Variants in NLGN4Y observed in about 807,000 individuals in gnomAD.
NLGN4Y encodes neuroligin 4 Y-linked.
NLGN4Y carries 4 observed loss-of-function variants against 8.4 expected under a neutral mutation model. That is an observed-to-expected ratio of 0.48 (90% CI 0.23 to 1.09). The LOEUF (loss-of-function observed/expected upper bound fraction) is 1.09. Among genes scored for constraint, NLGN4Y ranks in the 50% least tolerant of loss-of-function variants. NLGN4Y has a pLI of 0.19. For synonymous variants in NLGN4Y, 35 were observed against 75.6 expected (o/e 0.46, Z 2.78); for missense variants, 90 against 192.3 (o/e 0.47, Z 3.15).
intron 4 of NLGN4Y, among the ~76,000 whole-genome samples, chrY:14,757,860 C>G: frequency 5.7e-5 from 2 of 34,800 alleles, no homozygotes; most frequent in Non-Finnish European, 1.4e-4. Flanking sequence ...GATTACAGGC[C>G]TAGGCCACTG....
intron 2 of NLGN4Y, among the ~76,000 whole-genome samples, chrY:14,662,292 A>C: frequency 3.0e-5 from 1 of 33,338 alleles, no homozygotes. Context: ...CTATTTCTCC[A>C]TCTAGTCTAT....
chrY:14,531,761 TATA>T (rs2080116056), intron 1 of NLGN4Y, among the ~76,000 whole-genome samples: 1 of 30,687 alleles, frequency 3.3e-5, no homozygotes, highest in African/African-American at 1.2e-4. Context: ...GTATATAAGA[TATA>T]ATAAAATCCA....
At chrY:14,631,838 C>A in intron 2 of NLGN4Y, among the ~76,000 whole-genome samples, 1 of 33,368 alleles carries the variant, frequency 3.0e-5, no homozygotes, top group African/African-American at 1.2e-4. Flanking sequence ...CTCTGCTGGG[C>A]AAAGTGACTC....
intron 6 of NLGN4Y, among the ~76,000 whole-genome samples, chrY:14,839,762 T>G: frequency 2.9e-5 from 1 of 33,944 alleles, no homozygotes; most frequent in Non-Finnish European, 7.3e-5. Context: ...CAATTTTCAT[T>G]GCTGTAACTG....
intron 2 of NLGN4Y, among the ~76,000 whole-genome samples, chrY:14,630,945 C>T: frequency 6.0e-5 from 2 of 33,451 alleles, no homozygotes; most frequent in African/African-American, 1.2e-4. Flanking sequence ...CCTCAAATTC[C>T]TGGGCACAAG....
intron 2 of NLGN4Y, among the ~76,000 whole-genome samples, chrY:14,676,178 A>G: frequency 3.0e-5 from 1 of 32,990 alleles, no homozygotes; most frequent in Non-Finnish European, 7.5e-5. Context: ...CCTGTGTCCA[A>G]TGGCCAGTCA....
At chrY:14,756,581 C>G (rs9785934) in intron 4 of NLGN4Y, among the ~76,000 whole-genome samples, 3,967 of 27,312 alleles carry the variant, frequency 0.15, no homozygotes, top group African/African-American at 0.58. Context: ...AACCCCATCT[C>G]TACTAAAAAT....
intron 4 of NLGN4Y, among the ~76,000 whole-genome samples, chrY:14,795,472 C>T (rs377188900): frequency 4.6e-4 from 15 of 32,949 alleles, no homozygotes; most frequent in African/African-American, 9.4e-4. Flanking sequence ...TATCTCTGTA[C>T]TAAATTGGAT....
At chrY:14,810,705 G>GT (rs2043074963) in intron 4 of NLGN4Y, among the ~76,000 whole-genome samples, 2 of 32,193 alleles carry the variant, frequency 6.2e-5, no homozygotes, top group African/African-American at 1.2e-4. Flanking sequence ...ATCCATCTTG[G>GT]TTTTTTTTAT....
intron 1 of NLGN4Y, among the ~76,000 whole-genome samples, chrY:14,531,638 CTTAT>C (rs2080115534): frequency 3.3e-5 from 1 of 29,955 alleles, no homozygotes; most frequent in Non-Finnish European, 7.9e-5. Context: ...GTTTTGTATA[CTTAT>C]TTATTATATA....
intron 2 of NLGN4Y, among the ~76,000 whole-genome samples, chrY:14,671,481 T>C: frequency 3.0e-4 from 9 of 30,119 alleles, no homozygotes; most frequent in Admixed American, 3.1e-4. Context: ...CAGTGAGCTA[T>C]GATCAAACCA....
At chrY:14,568,020 G>A in intron 1 of NLGN4Y, among the ~76,000 whole-genome samples, 5 of 30,819 alleles carry the variant, frequency 1.6e-4, no homozygotes, top group Non-Finnish European at 3.9e-4. Flanking sequence ...TGTGCACTAC[G>A]TGCAGGTTTG....
intron 4 of NLGN4Y, among the ~76,000 whole-genome samples, chrY:14,784,443 G>A (rs2042953679): frequency 1.5e-4 from 5 of 33,255 alleles, no homozygotes; most frequent in Admixed American, 1.4e-3. Context: ...GGCGGATCAC[G>A]AGGTCAGGAG....
chrY:14,639,428 A>G, intron 2 of NLGN4Y: 2 of 155,299 alleles, frequency 1.3e-5, no homozygotes, highest in South Asian at 8.4e-5. Context: ...AACTCCTGGA[A>G]CTGATGTTAA....
chrY:14,696,863 G>A (rs765140319), intron 2 of NLGN4Y, among the ~76,000 whole-genome samples: 2 of 32,787 alleles, frequency 6.1e-5, no homozygotes, highest in African/African-American at 2.4e-4. Flanking sequence ...ACTAGCTGCA[G>A]CTTCACATCT....
At chrY:14,579,214 C>A (rs2080308055) in intron 1 of NLGN4Y, among the ~76,000 whole-genome samples, 1 of 33,741 alleles carries the variant, frequency 3.0e-5, no homozygotes, top group African/African-American at 1.2e-4. Context: ...GCCATTTGAC[C>A]AGGTAGAAAT....
chrY:14,648,607 C>T, intron 2 of NLGN4Y, among the ~76,000 whole-genome samples: 1 of 31,496 alleles, frequency 3.2e-5, no homozygotes, highest in Non-Finnish European at 7.6e-5. Flanking sequence ...TGTGGATTTC[C>T]AATATGGTAA....
chrY:14,843,327 T>A lies in NLGN4Y; in HGVS notation c.*2065T>A. The A allele has an allele frequency of 8.2e-6, 1 of 121,617 alleles. No individual in the cohort carries two copies. Among genetic ancestry groups the A allele is most frequent in the South Asian group, 3.9e-5 (1 of 25,695 alleles). 30.3% of individuals were successfully genotyped at this position (121,617 alleles called of 400,897 possible). A position where few individuals can be genotyped will look rare whatever the true frequency, so the allele number is the denominator to read the frequency against. ...CATTTCTTTGCTACACAGAGGTGTC[T>A]TGGAAAGATTTCATTCCCAATTCAT... On this transcript the variant is annotated 3_prime_UTR_variant, in exon 7 of 7. Transcript: ENST00000684976.
intron 1 of NLGN4Y, among the ~76,000 whole-genome samples, chrY:14,579,638 G>T (rs2080309316): frequency 6.1e-5 from 2 of 32,684 alleles, no homozygotes. Flanking sequence ...TTTGAACCTG[G>T]GAAGTCGGGG....
Sources: gnomAD v4.1 joint callset for allele counts (sites outside exome capture counted in the v4.1 genomes callset) on GRCh38, gnomAD v4.1.1 for gene constraint, MANE v1.5 for transcripts, NCBI Gene and HGNC (gene_info 2026-07-23, HGNC 2026-07-21) for gene names.